Variants in HGSNAT observed in about 807,000 individuals in gnomAD.
HGSNAT encodes the protein transmembrane protein 76.
HGSNAT carries 59 observed loss-of-function variants against 85.2 expected under a neutral mutation model. The observed-to-expected ratio is 0.69, with a 90% CI of 0.56 to 0.86. The LOEUF (loss-of-function observed/expected upper bound fraction) is 0.86, where lower values mean the gene tolerates loss of function less well. Ranked by LOEUF, HGSNAT falls within the 40% of genes least tolerant of loss-of-function variation. HGSNAT has a pLI of 0.00. For synonymous variants in HGSNAT, 321 were observed against 304.5 expected (o/e 1.05, Z -0.56); for missense variants, 756 against 777.1 (o/e 0.97, Z 0.32).
chr8:43,192,421 ATCT>A lies in HGSNAT; in HGVS notation c.1372_1374del (p.Ser458del), dbSNP rs1416017457. On this transcript the variant is annotated inframe_deletion, in exon 13 of 18. Transcript: ENST00000379644. ...GAGACGATCACCTTTACCAGCACCCATCTTCTGCTGTGAGTGAGACTCGAGTTC... is the reference window on the plus strand; with the variant it reads ...GAGACGATCACCTTTACCAGCACCCATCTGCTGTGAGTGAGACTCGAGTTC... The A allele has an allele frequency of 6.2e-7, 1 of 1,610,668 alleles. No homozygotes were observed. Among genetic ancestry groups the A allele is most frequent in the Non-Finnish European group, 8.5e-7 (1 of 1,178,288 alleles).
chr8:43,157,433 T>A (rs1803126231), intron 2 of HGSNAT, among the ~76,000 whole-genome samples: 1 of 152,128 alleles, frequency 6.6e-6, no homozygotes, highest in African/African-American at 2.4e-5. Flanking sequence ...ATTTTTTTAA[T>A]CCAGTAATCT....
At position 43,170,608 on chromosome 8, in the gene HGSNAT, A is replaced by G. The variant is rs764634612; in HGVS notation, c.657A>G (p.Thr219=). ...AGGAGCTGGGATCTCCCAGCAGGAC[A>G]GACCCTCTCGATGGTGATGTTCAGC... The part of the protein sequence containing the change: ...INSELGSPSR[T]DPLDGDVQPA... The change falls in exon 7 of 18, where the codon ACA becomes ACG. Residue 219 remains threonine (T), a synonymous_variant. Transcript: ENST00000379644. 1 of 1,609,974 alleles carries G rather than the reference A, an allele frequency of 6.2e-7. No individual in the cohort carries two copies. The highest frequency in any genetic ancestry group is 2.2e-5 in the East Asian group (1 of 44,792).
intron 4 of HGSNAT, among the ~76,000 whole-genome samples, chr8:43,160,419 G>A (rs1803233907): frequency 6.6e-6 from 1 of 152,216 alleles, no homozygotes; most frequent in Admixed American, 6.5e-5. Context: ...ACATCCACCA[G>A]TCATGGGGCA....
At chr8:43,198,007 A>G (rs766683279) in intron 17 of HGSNAT, 55 bp downstream of exon 17, 12 of 1,294,500 alleles carry the variant, frequency 9.3e-6, no homozygotes, top group Non-Finnish European at 1.2e-5. Flanking sequence ...AGGCAGGCCC[A>G]GGGACCTCTG....
chr8:43,193,878 CA>C (rs1804623983), intron 14 of HGSNAT, 35 bp downstream of exon 14: 1 of 1,604,688 alleles, frequency 6.2e-7, no homozygotes, highest in Non-Finnish European at 8.5e-7. Flanking sequence ...CTTTTTCTGA[CA>C]ATTTATGATA....
At chr8:43,177,155 T>C (rs1803837970) in intron 9 of HGSNAT, among the ~76,000 whole-genome samples, 1 of 152,188 alleles carries the variant, frequency 6.6e-6, no homozygotes, top group African/African-American at 2.4e-5. Context: ...CTTTCAGTTT[T>C]TCCTAGAGAC....
chr8:43,149,616 C>A lies in HGSNAT; in HGVS notation c.234+2553C>A, dbSNP rs182421903. Among the ~76,000 whole-genome samples, 9 of 151,074 alleles carry A rather than the reference C, an allele frequency of 6.0e-5. No homozygotes were observed. The East Asian group carries it at 1.8e-3, about 30-fold the overall frequency. ...TCAGGAGGCTGAGGCAGGAGAATGG[C>A]GTGAACCCGGGAGGCGGAGCTTGCA... On this transcript the variant is annotated intron_variant, in intron 2 of 17. Coordinates refer to ENST00000379644, the MANE Select transcript of HGSNAT (RefSeq NM_152419.3).
intron 2 of HGSNAT, among the ~76,000 whole-genome samples, chr8:43,156,311 T>G (rs1299797063): frequency 6.6e-6 from 1 of 152,150 alleles, no homozygotes; most frequent in Non-Finnish European, 1.5e-5. Flanking sequence ...TTCTTTTAAA[T>G]TTTTTCTTTT....
intron 4 of HGSNAT, among the ~76,000 whole-genome samples, chr8:43,159,430 A>G (rs1275247578): frequency 6.6e-6 from 1 of 152,078 alleles, no homozygotes; most frequent in Non-Finnish European, 1.5e-5. Flanking sequence ...TCTACAAAAA[A>G]TACAAAAATT....
chr8:43,197,555 G>A, intron 15 of HGSNAT, 117 bp from the exon 16 acceptor site: 1 of 739,882 alleles, frequency 1.4e-6, no homozygotes. Flanking sequence ...AAAAATATAA[G>A]GCACAAGTTT....
chr8:43,150,800 C>T (rs982921372), intron 2 of HGSNAT, among the ~76,000 whole-genome samples: 2 of 151,396 alleles, frequency 1.3e-5, no homozygotes, highest in African/African-American at 4.9e-5. Flanking sequence ...CGCCACTGCA[C>T]TCCAGCCTGG....
intron 15 of HGSNAT, chr8:43,197,413 T>C: frequency 1.8e-6 from 1 of 555,546 alleles, no homozygotes. Context: ...ACCGCAGCCA[T>C]GCCTCCTCTT....
chr8:43,197,232 G>A, intron 15 of HGSNAT: 1 of 590,172 alleles, frequency 1.7e-6, no homozygotes, highest in Non-Finnish European at 3.0e-6. Context: ...TATCAATAAG[G>A]CAGTGTTTGC....
rs1586689814 is a variant in HGSNAT, at chr8:43,140,627, C to G, written c.118+13C>G. The G allele has an allele frequency of 8.4e-7, 1 of 1,189,398 alleles. No individual in the cohort carries two copies. Among genetic ancestry groups the G allele is most frequent in the East Asian group, 3.9e-5 (1 of 25,660 alleles). The allele number at this position is 1,189,398 out of a possible 1,614,324, so 73.7% of individuals were successfully genotyped here. ...GCGCCGCCACGAGGTGAGTGCACAC[C>G]TCCTACCGCCGCCCGGCCGGCTACG... is the stretch of plus-strand genomic sequence containing the variant. On this transcript the variant is annotated intron_variant, in intron 1 of 17. Transcript: ENST00000379644.
chr8:43,194,319 A>G, intron 14 of HGSNAT: 6 of 862,820 alleles, frequency 7.0e-6, no homozygotes, highest in Non-Finnish European at 8.4e-6. Context: ...TATGGCTTGA[A>G]CCAAGGAGGT....
rs796297518 is a variant in HGSNAT, at chr8:43,197,815, G to T, written c.1614-25G>T. On this transcript the variant is annotated intron_variant, in intron 16 of 17. Coordinates refer to ENST00000379644, the MANE Select transcript of HGSNAT (RefSeq NM_152419.3). ...ATTGGATTTGTTCCGTACGAGCACT[G>T]AAACGTCTCCTCCACCCCTCCCAGG... 8 of 1,605,204 alleles carry T rather than the reference G, an allele frequency of 5.0e-6. No individual in the cohort carries two copies. The African/African-American group carries it at 9.4e-5, about 19-fold the overall frequency.
At chr8:43,185,829 T>G (rs1804288397) in intron 11 of HGSNAT, among the ~76,000 whole-genome samples, 1 of 152,242 alleles carries the variant, frequency 6.6e-6, no homozygotes, top group South Asian at 2.1e-4. Context: ...CCTAGTTTAT[T>G]GAAAGTTTTT....
intron 11 of HGSNAT, among the ~76,000 whole-genome samples, chr8:43,183,999 T>A (rs2130787743): frequency 6.6e-6 from 1 of 152,344 alleles, no homozygotes; most frequent in East Asian, 1.9e-4. Context: ...TATTCCATGG[T>A]GTATATGTGC....
intron 11 of HGSNAT, among the ~76,000 whole-genome samples, chr8:43,185,121 C>G (rs1804262984): frequency 6.6e-6 from 1 of 152,180 alleles, no homozygotes. Context: ...GCAATGCAGG[C>G]TCTTTTTTGG....
Sources: gnomAD v4.1 joint callset for allele counts (sites outside exome capture counted in the v4.1 genomes callset) on GRCh38, gnomAD v4.1.1 for gene constraint, MANE v1.5 for transcripts, NCBI Gene and HGNC (gene_info 2026-07-23, HGNC 2026-07-21) for gene names.